The following SEMA6D variants were observed in gnomAD, a reference collection of about 807,000 sequenced individuals.
The protein encoded by SEMA6D is semaphorin-6D.
SEMA6D carries 35 observed loss-of-function variants against 106.6 expected under a neutral mutation model. The ratio of observed to expected loss-of-function variants is 0.33; its 90% CI spans 0.25 to 0.44. The LOEUF (loss-of-function observed/expected upper bound fraction) is 0.44. Ranked by LOEUF, SEMA6D falls within the 20% of genes least tolerant of loss-of-function variation. The pLI, the probability that SEMA6D is intolerant of heterozygous loss-of-function variation, is 1.00. For synonymous variants in SEMA6D, 499 were observed against 487.7 expected (o/e 1.02, Z -0.31); for missense variants, 1,185 against 1,345.9 (o/e 0.88, Z 1.87).
intron 4 of SEMA6D, among the ~76,000 whole-genome samples, chr15:47,625,462 T>C (rs1320603079): frequency 6.6e-6 from 1 of 152,114 alleles, no homozygotes; most frequent in African/African-American, 2.4e-5. Context: ...CAGGACTGGG[T>C]GCGATGGCAC....
intron 2 of SEMA6D, among the ~76,000 whole-genome samples, chr15:47,458,385 C>T (rs1245989412): frequency 1.3e-5 from 2 of 152,020 alleles, no homozygotes; most frequent in African/African-American, 4.8e-5. Context: ...TTATGGAAGA[C>T]TTTCTCCAAT....
chr15:47,186,893 G>A (rs772834858), intron 1 of SEMA6D, among the ~76,000 whole-genome samples: 3 of 151,966 alleles, frequency 2.0e-5, no homozygotes, highest in Non-Finnish European at 2.9e-5. Context: ...AATTATTTTG[G>A]TCTCATTTGT....
chr15:47,680,515 G>T (rs907270371), intron 4 of SEMA6D, among the ~76,000 whole-genome samples: 1 of 152,096 alleles, frequency 6.6e-6, no homozygotes, highest in Admixed American at 6.5e-5. Flanking sequence ...GCATTGAAAA[G>T]ACTTTTTACC....
At chr15:47,687,289 C>T (rs903560351) in intron 4 of SEMA6D, among the ~76,000 whole-genome samples, 9 of 152,018 alleles carry the variant, frequency 5.9e-5, no homozygotes, top group African/African-American at 2.2e-4. Context: ...TGCTTCCGTG[C>T]CCTTGAAGCA....
intron 1 of SEMA6D, among the ~76,000 whole-genome samples, chr15:47,314,465 G>T (rs1014940031): frequency 4.7e-5 from 7 of 148,210 alleles, no homozygotes; most frequent in Non-Finnish European, 9.0e-5. Flanking sequence ...GGGCGTAGTG[G>T]CGGGCGCCTG....
intron 1 of SEMA6D, among the ~76,000 whole-genome samples, chr15:47,268,543 T>G (rs900977268): frequency 2.0e-4 from 31 of 152,084 alleles, no homozygotes; most frequent in African/African-American, 7.5e-4. Context: ...TCTTTTGAGA[T>G]TCCATTAAAT....
intron 1 of SEMA6D, among the ~76,000 whole-genome samples, chr15:47,259,997 G>GT (rs201793716): frequency 0.087 from 12,402 of 143,324 alleles, 905 homozygotes; most frequent in African/African-American, 0.21. Flanking sequence ...CATTTAGCAT[G>GT]TTTTTTTTTT....
intron 4 of SEMA6D, among the ~76,000 whole-genome samples, chr15:47,641,600 T>G (rs1184107517): frequency 1.3e-5 from 2 of 152,210 alleles, no homozygotes; most frequent in Admixed American, 6.5e-5. Flanking sequence ...GCTCCTTTTA[T>G]GAAGAGGAAA....
At chr15:47,258,332 C>T (rs1232472333) in intron 1 of SEMA6D, among the ~76,000 whole-genome samples, 2 of 152,040 alleles carry the variant, frequency 1.3e-5, no homozygotes. Context: ...TTAAGAGATG[C>T]CCAGACAGGT....
At position 47,771,202 on chromosome 15, in the gene SEMA6D, A is replaced by G. The variant is rs750774491; in HGVS notation, c.2639A>G (p.Asn880Ser). ...RRSVDSRNTL[N>S]DLLKHLNDPN... ...TCTGTTGATTCCAGAAATACCCTCA[A>G]TGATCTCCTGAAGCATCTGAATGAC... The change falls in exon 19 of 19, where the codon AAT (asparagine) becomes AGT (serine). Residue 880 changes from asparagine (N) to serine (S), a missense_variant. By Grantham distance (46) the Asn-to-Ser change is conservative. Around this residue, in one of 3 missense-constraint regions of SEMA6D, gnomAD observed 750 missense variants for 783.5 expected, o/e 0.96. Coordinates refer to ENST00000536845, the MANE Select transcript of SEMA6D (RefSeq NM_001358351.3). 88 of 1,613,922 alleles carry G rather than the reference A, an allele frequency of 5.5e-5. No homozygotes were observed. The highest frequency in any genetic ancestry group is 6.7e-5 in the Admixed American group (4 of 59,988).
At chr15:47,480,884 T>C (rs1357812521) in intron 3 of SEMA6D, among the ~76,000 whole-genome samples, 1 of 152,180 alleles carries the variant, frequency 6.6e-6, no homozygotes, top group Non-Finnish European at 1.5e-5. Flanking sequence ...TGAAAACCTA[T>C]TGTGGATATC....
chr15:47,496,469 C>T (rs1279493706), intron 3 of SEMA6D, among the ~76,000 whole-genome samples: 2 of 152,168 alleles, frequency 1.3e-5, no homozygotes, highest in East Asian at 3.9e-4. Context: ...CACCCTCCTC[C>T]CTACATTTAA....
intron 1 of SEMA6D, among the ~76,000 whole-genome samples, chr15:47,719,054 G>C (rs2079261817): frequency 6.6e-6 from 1 of 150,830 alleles, no homozygotes; most frequent in Non-Finnish European, 1.5e-5. Flanking sequence ...CGAGAATTGG[G>C]TTTGAAAAAT....
At chr15:47,737,515 C>T (rs184243417) in intron 1 of SEMA6D, among the ~76,000 whole-genome samples, 18 of 152,176 alleles carry the variant, frequency 1.2e-4, no homozygotes, top group Admixed American at 7.8e-4. Context: ...TATGCATCTC[C>T]GGTTTTATAA....
At chr15:47,558,680 C>T (rs2045987001) in intron 3 of SEMA6D, among the ~76,000 whole-genome samples, 1 of 151,990 alleles carries the variant, frequency 6.6e-6, no homozygotes. Context: ...AAATTGTGCA[C>T]TAGATATATC....
At chr15:47,315,126 A>G (rs1595712221) in intron 1 of SEMA6D, among the ~76,000 whole-genome samples, 1 of 151,998 alleles carries the variant, frequency 6.6e-6, no homozygotes, top group African/African-American at 2.4e-5. Context: ...TCGGCCTCCC[A>G]AAGTGCTGGG....
chr15:47,455,913 A>T lies in SEMA6D; in HGVS notation c.-158-14561A>T, dbSNP rs557081743. ...TTTGCAAAAGGAAAACACTTTATTGATTTTTTTAAAGAGGGGACCCTCAAA... is the reference window on the plus strand; with the variant it reads ...TTTGCAAAAGGAAAACACTTTATTGTTTTTTTTAAAGAGGGGACCCTCAAA... On this transcript the variant is annotated intron_variant, in intron 2 of 19. Transcript: ENST00000558014. Among the ~76,000 whole-genome samples, 3 of 151,924 alleles carry T rather than the reference A, an allele frequency of 2.0e-5. No individual in the cohort carries two copies. The South Asian group carries it at 6.2e-4, about 32-fold the overall frequency.
At chr15:47,361,669 G>T (rs748279373) in intron 1 of SEMA6D, among the ~76,000 whole-genome samples, 1 of 152,134 alleles carries the variant, frequency 6.6e-6, no homozygotes, top group Non-Finnish European at 1.5e-5. Flanking sequence ...TGCTCAGTGC[G>T]CATTTGAGGA....
chr15:47,348,723 C>CA (rs1258338355), intron 1 of SEMA6D, among the ~76,000 whole-genome samples: 1 of 45,606 alleles, frequency 2.2e-5, no homozygotes, highest in Non-Finnish European at 5.4e-5. Context: ...ACACACCACA[C>CA]ACACAGAGAG....
Sources: allele counts gnomAD v4.1 joint callset (sites outside exome capture counted in the v4.1 genomes callset), GRCh38; gene constraint gnomAD v4.1.1; regional missense constraint gnomAD v4.1.1; transcripts MANE v1.5; gene names NCBI Gene and HGNC (gene_info 2026-07-23, HGNC 2026-07-21).